PDGFC: variants seen among roughly 807,000 people sequenced by gnomAD.
PDGFC encodes platelet-derived growth factor C.
In PDGFC, 12 loss-of-function variants were observed where a neutral mutation model predicts 35.5. That is an observed-to-expected ratio of 0.34 (90% CI 0.22 to 0.55). The LOEUF is 0.55. PDGFC is among the 20% of genes least tolerant of loss of function. The pLI, the probability that PDGFC is intolerant of heterozygous loss-of-function variation, is 0.91. For synonymous variants in PDGFC, 159 were observed against 148.8 expected, an observed-to-expected ratio of 1.07 and a Z score of -0.50; for missense variants, 322 against 412.4, an observed-to-expected ratio of 0.78 and a Z score of 1.90.
At chr4:156,803,213 T>C (rs1191871040) in intron 3 of PDGFC, among the ~76,000 whole-genome samples, 1 of 152,010 alleles carries the variant, frequency 6.6e-6, no homozygotes, top group Non-Finnish European at 1.5e-5. Context: ...TGAGAGGAGA[T>C]TTACACAATC....
At chr4:156,948,420 G>A (rs1731999224) in intron 1 of PDGFC, among the ~76,000 whole-genome samples, 1 of 151,872 alleles carries the variant, frequency 6.6e-6, no homozygotes, top group South Asian at 2.1e-4. Context: ...CGAGCTCTGG[G>A]ATAAAATTAA....
intron 3 of PDGFC, among the ~76,000 whole-genome samples, chr4:156,777,929 C>T (rs893312342): frequency 3.3e-5 from 5 of 151,880 alleles, no homozygotes; most frequent in East Asian, 1.9e-4. Context: ...CATAGTGAAA[C>T]CCCATCTCTA....
At chr4:156,768,815 A>T (rs1228040456) in intron 4 of PDGFC, among the ~76,000 whole-genome samples, 1 of 152,036 alleles carries the variant, frequency 6.6e-6, no homozygotes, top group Non-Finnish European at 1.5e-5. Flanking sequence ...TGAGGACCTA[A>T]CAAAATATTC....
intron 2 of PDGFC, among the ~76,000 whole-genome samples, chr4:156,825,806 G>A (rs1732453537): frequency 6.6e-6 from 1 of 151,266 alleles, no homozygotes; most frequent in Non-Finnish European, 1.5e-5. Context: ...TTGTATAGCT[G>A]AACAGTGTTG....
At chr4:156,945,990 A>T (rs2110922838) in intron 1 of PDGFC, among the ~76,000 whole-genome samples, 1 of 152,248 alleles carries the variant, frequency 6.6e-6, no homozygotes, top group Non-Finnish European at 1.5e-5. Flanking sequence ...TTGATTTGGC[A>T]ATAGTTATCA....
intron 5 of PDGFC, among the ~76,000 whole-genome samples, chr4:156,763,679 T>C (rs559913116): frequency 1.3e-5 from 2 of 152,352 alleles, no homozygotes; most frequent in South Asian, 4.2e-4. Flanking sequence ...ACTCCACAGC[T>C]GAGTCTGCTC....
Position 156,971,510 on chromosome 4 carries a change from G to A in PDGFC, c.-607C>T. On this transcript the variant is annotated 5_prime_UTR_variant, in exon 1 of 6. Transcript: ENST00000502773. ...GCCGGAGCGGGGCCGGGGGGCTCCG[G>A]GCCGACGGCGGCCCGGGCGCAGGCG... is the stretch of plus-strand genomic sequence containing the variant. 1 of 196,834 alleles carries A rather than the reference G, an allele frequency of 5.1e-6. No homozygotes were observed. The highest frequency in any genetic ancestry group is 1.0e-5 in the Non-Finnish European group (1 of 99,066). 12.2% of individuals were successfully genotyped at this position (196,834 alleles called of 1,614,324 possible).
At chr4:156,970,355 G>C (rs1415189445) in intron 1 of PDGFC, among the ~76,000 whole-genome samples, 3 of 152,140 alleles carry the variant, frequency 2.0e-5, no homozygotes, top group Non-Finnish European at 4.4e-5. Context: ...CTTCGACCTA[G>C]AGTGCTTCAA....
chr4:156,882,928 C>CA (rs1446225059), intron 1 of PDGFC, among the ~76,000 whole-genome samples: 2 of 151,830 alleles, frequency 1.3e-5, no homozygotes, highest in Non-Finnish European at 2.9e-5. Flanking sequence ...ACTAAAAATA[C>CA]AAAAAATTAG....
intron 1 of PDGFC, among the ~76,000 whole-genome samples, chr4:156,893,757 C>T (rs552025256): frequency 2.0e-5 from 3 of 151,944 alleles, no homozygotes; most frequent in South Asian, 2.1e-4. Flanking sequence ...ATGACACACA[C>T]TAAGAAACTG....
chr4:156,875,532 A>G (rs1226914646), intron 1 of PDGFC, among the ~76,000 whole-genome samples: 2 of 152,236 alleles, frequency 1.3e-5, no homozygotes, highest in African/African-American at 4.8e-5. Flanking sequence ...GGTAAATAGT[A>G]AAATAAATAT....
chr4:156,794,279 G>A (rs186240764), intron 3 of PDGFC, among the ~76,000 whole-genome samples: 360 of 152,220 alleles, frequency 2.4e-3, no homozygotes, highest in Admixed American at 4.2e-3. Context: ...TATATTGGAA[G>A]AGCATGGTAT....
At chr4:156,894,351 C>T (rs946889806) in intron 1 of PDGFC, among the ~76,000 whole-genome samples, 4 of 152,068 alleles carry the variant, frequency 2.6e-5, no homozygotes, top group Admixed American at 6.6e-5. Context: ...ATTTTATTAT[C>T]CAGTTCTCCC....
intron 1 of PDGFC, among the ~76,000 whole-genome samples, chr4:156,885,764 T>C (rs1432684326): frequency 6.6e-6 from 1 of 152,082 alleles, no homozygotes; most frequent in Admixed American, 6.6e-5. Flanking sequence ...TGGTGTTATG[T>C]GCCTGTATTA....
At chr4:156,965,962 T>G (rs1439036189) in intron 1 of PDGFC, among the ~76,000 whole-genome samples, 1 of 152,156 alleles carries the variant, frequency 6.6e-6, no homozygotes, top group Non-Finnish European at 1.5e-5. Flanking sequence ...CCTTAAGCAG[T>G]ACCAGGCATT....
intron 3 of PDGFC, among the ~76,000 whole-genome samples, chr4:156,784,072 T>C (rs150910410): frequency 1.4e-4 from 22 of 152,324 alleles, no homozygotes; most frequent in Admixed American, 3.9e-4. Context: ...TTGACACGCA[T>C]ATATCCAGCA....
At chr4:156,890,903 G>C (rs1296761792) in intron 1 of PDGFC, among the ~76,000 whole-genome samples, 1 of 152,048 alleles carries the variant, frequency 6.6e-6, no homozygotes, top group Non-Finnish European at 1.5e-5. Flanking sequence ...GTATCCATTT[G>C]GTAATATGTG....
chr4:156,811,661 G>A (rs1429711207), intron 2 of PDGFC, among the ~76,000 whole-genome samples: 1 of 152,020 alleles, frequency 6.6e-6, no homozygotes, highest in Admixed American at 6.6e-5. Context: ...GAACCAGTTC[G>A]TACATATTTC....
rs181625146 is a variant in PDGFC at position 156,873,568 on chromosome 4, T to C, written c.119-23152A>G. On this transcript the variant is annotated intron_variant, in intron 1 of 5. Coordinates refer to ENST00000502773, the MANE Select transcript of PDGFC (RefSeq NM_016205.3). ...TTTCCTATAACTTCTTTTTGAAATCTATTCATTTAAGAAAAAATTCCTTGC... is the reference window on the plus strand; with the variant it reads ...TTTCCTATAACTTCTTTTTGAAATCCATTCATTTAAGAAAAAATTCCTTGC... Among the ~76,000 whole-genome samples, 3 of 152,360 alleles carry C rather than the reference T, an allele frequency of 2.0e-5. No individual in the cohort carries two copies. In the East Asian group the frequency reaches 5.8e-4, roughly 29 times the overall value.
Sources: allele counts gnomAD v4.1 joint callset (sites outside exome capture counted in the v4.1 genomes callset), GRCh38; gene constraint gnomAD v4.1.1; transcripts MANE v1.5; gene names NCBI Gene and HGNC (gene_info 2026-07-23, HGNC 2026-07-21).